The following GRIK2 variants were observed in gnomAD, a reference collection of about 807,000 sequenced individuals.
GRIK2 encodes the protein glutamate receptor ionotropic, kainate 2.
A neutral mutation model predicts 100.3 loss-of-function variants in GRIK2; 32 were observed. That is an observed-to-expected ratio of 0.32 (90% CI 0.24 to 0.43). The LOEUF (loss-of-function observed/expected upper bound fraction) is 0.43. GRIK2 is among the 20% of genes least tolerant of loss of function. GRIK2 has a pLI of 1.00. For missense variants in GRIK2, 843 were observed against 1,114.9 expected (o/e 0.76, Z 3.47); for synonymous variants, 417 against 389.4 (o/e 1.07, Z -0.83).
chr6:101,933,390 CT>C (rs1291966143), intron 14 of GRIK2, among the ~76,000 whole-genome samples: 1 of 151,818 alleles, frequency 6.6e-6, no homozygotes, highest in African/African-American at 2.4e-5. Context: ...CTTTCTTGTC[CT>C]ACCTTACATG....
chr6:102,052,948 A>AT (rs1771275201), intron 15 of GRIK2, among the ~76,000 whole-genome samples: 1 of 151,986 alleles, frequency 6.6e-6, no homozygotes, highest in South Asian at 2.1e-4. Flanking sequence ...GGCACCTGTC[A>AT]TCCCAGCTAC....
At chr6:101,802,945 G>A (rs768798751) in intron 9 of GRIK2, among the ~76,000 whole-genome samples, 3 of 151,774 alleles carry the variant, frequency 2.0e-5, no homozygotes, top group African/African-American at 4.8e-5. Context: ...TATCTTACTT[G>A]ATTTTATTGC....
At chr6:102,056,173 G>T (rs1483615105) in intron 16 of GRIK2, among the ~76,000 whole-genome samples, 1 of 151,708 alleles carries the variant, frequency 6.6e-6, no homozygotes, top group African/African-American at 2.4e-5. Context: ...TCAGTTCTTT[G>T]TTTTTTTGTA....
At chr6:101,722,931 T>G (rs1774585449) in intron 7 of GRIK2, among the ~76,000 whole-genome samples, 1 of 151,492 alleles carries the variant, frequency 6.6e-6, no homozygotes, top group East Asian at 1.9e-4. Flanking sequence ...TGCCAGTCCT[T>G]TTAAGGGTCC....
At chr6:101,683,907 C>A (rs1771480144) in intron 6 of GRIK2, among the ~76,000 whole-genome samples, 1 of 152,288 alleles carries the variant, frequency 6.6e-6, no homozygotes, top group East Asian at 1.9e-4. Flanking sequence ...TCTATCTTCT[C>A]CATTCCCATA....
At chr6:101,415,047 T>A (rs76434908) in intron 2 of GRIK2, among the ~76,000 whole-genome samples, 7,850 of 152,000 alleles carry the variant, frequency 0.052, 247 homozygotes, top group Non-Finnish European at 0.072. Flanking sequence ...CATTGTAGCT[T>A]ATTTGGAAAA....
chr6:101,942,223 G>A (rs1790999587), intron 14 of GRIK2, among the ~76,000 whole-genome samples: 2 of 152,026 alleles, frequency 1.3e-5, no homozygotes, highest in Non-Finnish European at 1.5e-5. Flanking sequence ...TTGAAAGAGC[G>A]GCCTGATGGG....
intron 7 of GRIK2, among the ~76,000 whole-genome samples, chr6:101,784,360 T>C (rs1779293539): frequency 1.3e-5 from 2 of 152,236 alleles, no homozygotes. Flanking sequence ...TGTACCTGCA[T>C]TGTATCTTGG....
intron 14 of GRIK2, among the ~76,000 whole-genome samples, chr6:101,938,654 T>A (rs1183950167): frequency 1.3e-5 from 2 of 152,086 alleles, no homozygotes; most frequent in African/African-American, 4.8e-5. Flanking sequence ...AGAGAAGTAC[T>A]TTAATAATTT....
At chr6:102,012,838 C>T (rs13212837) in intron 14 of GRIK2, among the ~76,000 whole-genome samples, 41,869 of 151,788 alleles carry the variant, frequency 0.28, 6,145 homozygotes, top group East Asian at 0.34. Context: ...GTTACTGTAG[C>T]CTTGTAGTAT....
At chr6:101,510,240 C>T (rs1774230583) in intron 2 of GRIK2, among the ~76,000 whole-genome samples, 1 of 152,072 alleles carries the variant, frequency 6.6e-6, no homozygotes, top group African/African-American at 2.4e-5. Flanking sequence ...AGGGCTTCCA[C>T]AGGTTTACAG....
At chr6:101,474,734 T>C (rs1239005695) in intron 2 of GRIK2, among the ~76,000 whole-genome samples, 2 of 151,796 alleles carry the variant, frequency 1.3e-5, no homozygotes, top group Non-Finnish European at 3.0e-5. Flanking sequence ...CAGGCTTTTT[T>C]TTTGTTTTTT....
chr6:102,058,375 T>C (rs1343854117), intron 16 of GRIK2, among the ~76,000 whole-genome samples: 1 of 151,784 alleles, frequency 6.6e-6, no homozygotes, highest in Admixed American at 6.6e-5. Context: ...CCTACCTACC[T>C]ATCTACCTAT....
chr6:101,961,266 C>T (rs1428290681), intron 14 of GRIK2, among the ~76,000 whole-genome samples: 1 of 152,114 alleles, frequency 6.6e-6, no homozygotes, highest in Non-Finnish European at 1.5e-5. Flanking sequence ...AACCTCTTTC[C>T]TCAACCCCAA....
At chr6:101,422,813 T>C (rs941657383) in intron 2 of GRIK2, among the ~76,000 whole-genome samples, 1 of 152,164 alleles carries the variant, frequency 6.6e-6, no homozygotes, top group African/African-American at 2.4e-5. Flanking sequence ...TTATTCAACA[T>C]TGGAACTCAA....
chr6:101,717,789 A>G (rs1018396932), intron 7 of GRIK2, among the ~76,000 whole-genome samples: 3 of 151,826 alleles, frequency 2.0e-5, no homozygotes, highest in Non-Finnish European at 4.4e-5. Flanking sequence ...TCACAATAAT[A>G]TATTAAATCT....
At chr6:101,934,286 C>T (rs1017694316) in intron 14 of GRIK2, among the ~76,000 whole-genome samples, 1 of 151,860 alleles carries the variant, frequency 6.6e-6, no homozygotes, top group African/African-American at 2.4e-5. Context: ...CATTTTGGCT[C>T]ACCCACATGA....
intron 7 of GRIK2, among the ~76,000 whole-genome samples, chr6:101,735,018 T>A (rs1374659095): frequency 6.6e-6 from 1 of 152,174 alleles, no homozygotes; most frequent in East Asian, 1.9e-4. Context: ...TCAATAATGG[T>A]GGCCAGTGGC....
At chr6:101,531,507 G>A (rs1246382302) in intron 2 of GRIK2, among the ~76,000 whole-genome samples, 2 of 151,886 alleles carry the variant, frequency 1.3e-5, no homozygotes, top group Admixed American at 1.3e-4. Context: ...CCTCAAAGGA[G>A]ACTGTATAAT....
Sources: gnomAD v4.1 joint callset for allele counts (sites outside exome capture counted in the v4.1 genomes callset) on GRCh38, gnomAD v4.1.1 for gene constraint, MANE v1.5 for transcripts, NCBI Gene and HGNC (gene_info 2026-07-23, HGNC 2026-07-21) for gene names.